The following DIS3 variants were observed in gnomAD, a reference collection of about 807,000 sequenced individuals.
DIS3 encodes exosome complex exonuclease RRP44.
Under a neutral mutation model 113.0 loss-of-function variants are expected in DIS3, and 103 were observed. The ratio of observed to expected loss-of-function variants is 0.91; its 90% confidence interval spans 0.78 to 1.07. DIS3 has a LOEUF of 1.07. Ranked by LOEUF, DIS3 falls within the 50% of genes least tolerant of loss-of-function variation. The pLI is 0.00. For synonymous variants in DIS3, 402 were observed against 394.3 expected (o/e 1.02, Z -0.23); for missense variants, 1,121 against 1,167.1 (o/e 0.96, Z 0.58).
intron 15 of DIS3, among the ~76,000 whole-genome samples, chr13:72,765,046 T>TAGATGCATCTA (rs1274899298): frequency 2.6e-5 from 4 of 152,164 alleles, no homozygotes; most frequent in African/African-American, 9.7e-5. Context: ...TGGTCATCTA[T>TAGATGCATCTA]TAGAAAAGTG....
rs770063439 is a variant in DIS3, at chr13:72,781,788, G to A, written c.45C>T (p.Gly15=). The change falls in exon 1 of 21, where the codon GGC becomes GGT. Residue 15 remains glycine (G), a synonymous_variant. Coordinates refer to ENST00000377767, the MANE Select transcript of DIS3 (RefSeq NM_014953.5). The stretch of plus-strand genomic sequence containing the variant: ...AGTGCTCGCGCACGATCTTCATCAC[G>A]CCGCCCGCCCGGGTCTTTTTTAAGA... The part of the protein sequence containing the change: ...KTFLKKTRAG[G]VMKIVREHYL... The A allele has an allele frequency of 1.2e-6, 2 of 1,604,716 alleles. No homozygotes were observed. The highest frequency in any genetic ancestry group is 8.5e-7 in the Non-Finnish European group (1 of 1,175,558).
chr13:72,780,898 C>G lies in DIS3; in HGVS notation c.334G>C (p.Val112Leu). ...AAATGCTTCTCTTGGTTATTAGTCACATCTCGGATGCGTTTATATACGGGG... is the reference window on the plus strand; with the variant it reads ...AAATGCTTCTCTTGGTTATTAGTCAGATCTCGGATGCGTTTATATACGGGG... The part of the protein sequence containing the change: ...SAPVYKRIRD[V>L]TNNQEKHFYT... The change falls in exon 2 of 21, where the codon GTG becomes CTG. Residue 112 changes from valine (V) to leucine (L), a missense_variant. Physicochemically the swap from Val to Leu is conservative, Grantham distance 32. Coordinates refer to ENST00000377767, the MANE Select transcript of DIS3 (RefSeq NM_014953.5). 1 of 1,613,010 alleles carries G rather than the reference C, an allele frequency of 6.2e-7. No homozygotes were observed. The highest frequency in any genetic ancestry group is 8.5e-7 in the Non-Finnish European group (1 of 1,179,734).
At chr13:72,781,490 C>T (rs2034219439) in intron 1 of DIS3, 115 bp downstream of exon 1, 1 of 1,430,136 alleles carries the variant, frequency 7.0e-7, no homozygotes, top group South Asian at 1.5e-5. Context: ...AGGGGGTTTC[C>T]CTTTCGCTAG....
Position 72,778,400 on chromosome 13 carries a change from G to T in DIS3, c.387-20C>A. On this transcript the variant is annotated intron_variant, in intron 2 of 20. Transcript: ENST00000377767. ...GTTTCTCTAAATGGAAAGAAAAAAC[G>T]AAATAAAAGGAAATCAGTAGAAACA... 1 of 1,523,670 alleles carries T rather than the reference G, an allele frequency of 6.6e-7. No individual in the cohort carries two copies. Among genetic ancestry groups the T allele is most frequent in the Non-Finnish European group, 8.9e-7 (1 of 1,121,462 alleles). The allele number at this position is 1,523,670 out of a possible 1,614,324, so 94.4% of individuals were successfully genotyped here.
At position 72,756,752 on chromosome 13, in the gene DIS3, C is replaced by G; in HGVS notation, c.*3043G>C. ...TTCCACTGCTGGCAGTCATTTTCAT[C>G]CTGCCGCCCTGTGAAAAAGGTGCCT... On this transcript the variant is annotated 3_prime_UTR_variant, in exon 21 of 21. Coordinates refer to ENST00000377767, the MANE Select transcript of DIS3 (RefSeq NM_014953.5). 6.6e-6 allele frequency: 1 copy of G among 152,198 alleles called. No homozygotes were observed. The highest frequency in any genetic ancestry group is 1.5e-5 in the Non-Finnish European group (1 of 68,102). The allele number at this position is 152,198 out of a possible 1,614,324, so 9.4% of individuals were successfully genotyped here. A position where few individuals can be genotyped will look rare whatever the true frequency, so the allele number is the denominator to read the frequency against.
chr13:72,768,737 T>C, intron 14 of DIS3, 48 bp downstream of exon 14: 4 of 1,403,410 alleles, frequency 2.9e-6, no homozygotes, highest in Non-Finnish European at 3.9e-6. Context: ...GATCAAACAA[T>C]GTAAAGAGTA....
In DIS3 at chr13:72,775,249, C is replaced by T. The variant is rs1281232871; in HGVS notation, c.949G>A (p.Glu317Lys). The change falls in exon 6 of 21, where the codon GAA becomes AAA. Residue 317 changes from glutamate (E) to lysine (K), a missense_variant. This residue lies in a region of DIS3 where 861 missense variants were observed against 915.5 expected (regional missense o/e 0.94). Transcript: ENST00000377767. ...SVVLHDEGQN[E>K]EDVEKEEETE... is the part of the protein sequence containing the mutation. ...TCTTCTTCTTTCTCCACATCTTCTT[C>T]ATTTTGACCTTCATCATGTAAAACC... is the stretch of plus-strand genomic sequence containing the variant. 3 of 1,613,440 alleles carry T rather than the reference C, an allele frequency of 1.9e-6. No homozygotes were observed. The highest frequency in any genetic ancestry group is 2.5e-6 in the Non-Finnish European group (3 of 1,179,626).
At chr13:72,774,165 T>C (rs2033953917) in intron 6 of DIS3, 106 bp from the exon 7 acceptor site, 2 of 660,660 alleles carry the variant, frequency 3.0e-6, no homozygotes, top group Admixed American at 6.6e-5. Flanking sequence ...ATTCAGGCAG[T>C]AAATTATGAC....
Position 72,781,625 on chromosome 13 carries a change from T to C in DIS3, c.208A>G (p.Thr70Ala), listed in dbSNP as rs1333064895. 2 of 1,536,238 alleles carry C rather than the reference T, an allele frequency of 1.3e-6. No homozygotes were observed. The highest frequency in any genetic ancestry group is 2.7e-5 in the African/African-American group (2 of 72,738). Residue 70 changes from threonine (T) to alanine (A), a missense_variant, in exon 1 of 21, where the codon ACT (threonine) becomes GCT (alanine). Transcript: ENST00000377767. ...CPQPHYLLPDTNVLLHQIDVL... is the reference protein window; with the variant it reads ...CPQPHYLLPDANVLLHQIDVL... ...CGCACCTGGTGCAGTAACACATTAG[T>C]GTCGGGCAGCAAGTAGTGCGGTTGC...
rs926623996 is a variant in DIS3 at position 72,756,675 on chromosome 13, G to A, written c.*3120C>T. ...GGGCGGTTTCCTCCATGCTGTTCCT[G>A]TGATAGTGAGCCGGTCTCATGAGAT... On this transcript the variant is annotated 3_prime_UTR_variant, in exon 21 of 21. Coordinates refer to ENST00000377767, the MANE Select transcript of DIS3 (RefSeq NM_014953.5). 3.3e-5 allele frequency: 5 copies of A among 152,118 alleles called. No individual in the cohort carries two copies. The highest frequency in any genetic ancestry group is 2.0e-4 in the Admixed American group (3 of 15,264). 9.4% of individuals were successfully genotyped at this position (152,118 alleles called of 1,614,324 possible).
In DIS3 at chr13:72,761,992, A is replaced by T. The variant is rs1268507892; in HGVS notation, c.2273T>A (p.Met758Lys). ...MMQAVYFCSG[M>K]DNDFHHYGLA... ...GCCATAGTGATGAAAATCATTATCC[A>T]TTCCAGAACAGAAGTACACAGCTTG... The change falls in exon 17 of 21, where the codon ATG becomes AAG. Residue 758 changes from methionine to lysine, a missense_variant. By Grantham distance (95) the Met-to-Lys change is moderately conservative. Around this residue, in one of 3 missense-constraint regions of DIS3, gnomAD observed 861 missense variants for 915.5 expected, o/e 0.94. Transcript: ENST00000377767. 1 of 1,614,192 alleles carries T rather than the reference A, an allele frequency of 6.2e-7. No homozygotes were observed. The highest frequency in any genetic ancestry group is 1.7e-5 in the Admixed American group (1 of 60,028).
chr13:72,759,837 G>A lies in DIS3; in HGVS notation c.2835C>T (p.Asp945=), dbSNP rs370626546. The A allele has an allele frequency of 1.2e-5, 20 of 1,613,066 alleles. No homozygotes were observed. Among genetic ancestry groups the A allele is most frequent in the African/African-American group, 4.0e-5 (3 of 74,830 alleles). Residue 945 remains aspartate, a synonymous_variant, in exon 21 of 21, where the codon GAC becomes GAT. Coordinates refer to ENST00000377767, the MANE Select transcript of DIS3 (RefSeq NM_014953.5). The part of the protein sequence containing the change: ...ISIPTDTSNM[D]LNGPKKKKMK... ...TCTTCTTTTTCTTTGGTCCATTAAG[G>A]TCCATGTTTGAAGTATCAGTAGGAA...
At chr13:72,777,554 G>A in intron 3 of DIS3, 61 bp from the exon 4 acceptor site, 3 of 1,416,740 alleles carry the variant, frequency 2.1e-6, no homozygotes, top group South Asian at 1.2e-5. Context: ...TGAAAAAAAT[G>A]GATAGTCTTG....
chr13:72,763,015 G>A (rs1204455800), intron 16 of DIS3, among the ~76,000 whole-genome samples: 1 of 152,050 alleles, frequency 6.6e-6, no homozygotes, highest in African/African-American at 2.4e-5. Context: ...ACATTAGGCT[G>A]GGTGCGGTGG....
At position 72,763,601 on chromosome 13, in the gene DIS3, T is replaced by C; in HGVS notation, c.1977A>G (p.Thr659=). The change falls in exon 16 of 21, where the codon ACA becomes ACG. Residue 659 remains threonine (T), a synonymous_variant. Transcript: ENST00000377767. ...ACATAAATTCTTCAACCATGGAATT[T>C]GTTTCCCTGCCAATGGAAAAAGCAT... ...IDLQTKELRE[T]NSMVEEFMLL... 6.2e-7 allele frequency: 1 copy of C among 1,610,244 alleles called. No individual in the cohort carries two copies. Among genetic ancestry groups the C allele is most frequent in the South Asian group, 1.1e-5 (1 of 89,834 alleles).
intron 16 of DIS3, 93 bp from the exon 17 acceptor site, chr13:72,762,230 C>G (rs2033644695): frequency 8.8e-7 from 1 of 1,135,964 alleles, no homozygotes; most frequent in Non-Finnish European, 1.2e-6. Context: ...ACTGAACAAA[C>G]ATCATGTTTT....
intron 1 of DIS3, 121 bp downstream of exon 1, chr13:72,781,484 G>A: frequency 7.0e-7 from 1 of 1,429,106 alleles, no homozygotes. Flanking sequence ...GTCCCGAGGG[G>A]GTTTCCCTTT....
In DIS3 at chr13:72,777,454, A is replaced by G; in HGVS notation, c.620T>C (p.Leu207Pro). 1 of 1,614,134 alleles carries G rather than the reference A, an allele frequency of 6.2e-7. No individual in the cohort carries two copies. Among genetic ancestry groups the G allele is most frequent in the Non-Finnish European group, 8.5e-7 (1 of 1,179,982 alleles). The change falls in exon 4 of 21, where the codon CTC (leucine) becomes CCC (proline). Residue 207 changes from leucine to proline, a missense_variant. This residue lies in a region of DIS3 where 861 missense variants were observed against 915.5 expected (regional missense o/e 0.94). Transcript: ENST00000377767. ...AGACAAACAAGCAAGACGATCTATG[A>G]GTTCGGGGTTAGCAGTTAGGCTCTT... is the stretch of plus-strand genomic sequence containing the variant. ...YVKSLTANPELIDRLACLSEE... is the reference protein window; with the variant it reads ...YVKSLTANPEPIDRLACLSEE...
chr13:72,761,581 T>C (rs1346664055), intron 18 of DIS3, 60 bp from the exon 19 acceptor site: 2 of 1,524,908 alleles, frequency 1.3e-6, no homozygotes, highest in African/African-American at 1.4e-5. Context: ...AAACAAAAAA[T>C]TGAAATTAAA....
Sources: allele counts gnomAD v4.1 joint callset (sites outside exome capture counted in the v4.1 genomes callset), GRCh38; gene constraint gnomAD v4.1.1; regional missense constraint gnomAD v4.1.1; transcripts MANE v1.5; gene names NCBI Gene and HGNC (gene_info 2026-07-23, HGNC 2026-07-21).